The following LUZP2 variants were observed in gnomAD, a reference collection of about 807,000 sequenced individuals.
The protein encoded by LUZP2 is leucine zipper protein 2.
In LUZP2, 52 loss-of-function variants were observed where a neutral mutation model predicts 51.6. The observed-to-expected ratio is 1.01, with a 90% CI of 0.81 to 1.27. The LOEUF (loss-of-function observed/expected upper bound fraction) is 1.27. LUZP2 is among the 50% of genes most tolerant of loss of function. LUZP2 has a pLI of 0.00. For synonymous variants in LUZP2, 154 were observed against 137.3 expected (o/e 1.12, Z -0.85); for missense variants, 436 against 395.4 (o/e 1.10, Z -0.87).
intron 5 of LUZP2, among the ~76,000 whole-genome samples, chr11:24,848,233 A>T (rs140890154): frequency 6.6e-6 from 1 of 152,306 alleles, no homozygotes; most frequent in East Asian, 1.9e-4. Flanking sequence ...TTAAAACATA[A>T]CGCTTTCACA....
At chr11:24,957,552 T>C (rs915206665) in intron 7 of LUZP2, among the ~76,000 whole-genome samples, 1 of 152,094 alleles carries the variant, frequency 6.6e-6, no homozygotes, top group African/African-American at 2.4e-5. Flanking sequence ...AACTCTCTGC[T>C]TTGAGTTTGT....
At chr11:25,001,181 A>C (rs1185326811) in intron 9 of LUZP2, among the ~76,000 whole-genome samples, 5 of 152,320 alleles carry the variant, frequency 3.3e-5, no homozygotes, top group Non-Finnish European at 7.3e-5. Context: ...GCTATTAATA[A>C]GACCTCATTC....
chr11:24,501,974 C>A (rs1407317241), intron 1 of LUZP2, among the ~76,000 whole-genome samples: 1 of 152,170 alleles, frequency 6.6e-6, no homozygotes, highest in African/African-American at 2.4e-5. Flanking sequence ...TATCCTGCCA[C>A]ACTTACTATA....
At chr11:24,614,995 C>A (rs966076884) in intron 1 of LUZP2, among the ~76,000 whole-genome samples, 6 of 151,756 alleles carry the variant, frequency 4.0e-5, no homozygotes, top group Admixed American at 2.0e-4. Flanking sequence ...AAGTTTACTG[C>A]CTGTCATTAA....
At chr11:25,033,503 G>C (rs6484098) in intron 9 of LUZP2, among the ~76,000 whole-genome samples, 71,863 of 151,940 alleles carry the variant, frequency 0.47, 17,494 homozygotes, top group Non-Finnish European at 0.51. Flanking sequence ...GTCGAGGCTT[G>C]GGGTAGTGAT....
intron 10 of LUZP2, among the ~76,000 whole-genome samples, chr11:25,075,533 C>T (rs951142106): frequency 5.3e-5 from 8 of 152,000 alleles, no homozygotes; most frequent in African/African-American, 1.9e-4. Flanking sequence ...TTGCCCCTGT[C>T]TTAAAGTTAT....
At chr11:24,764,494 A>T (rs982637034) in intron 5 of LUZP2, among the ~76,000 whole-genome samples, 1 of 28,562 alleles carries the variant, frequency 3.5e-5, no homozygotes. Context: ...CATCTCTAAA[A>T]AAAAAAAAAA....
chr11:24,632,898 A>G (rs946106072), intron 1 of LUZP2, among the ~76,000 whole-genome samples: 1 of 152,056 alleles, frequency 6.6e-6, no homozygotes, highest in Non-Finnish European at 1.5e-5. Context: ...ACACCATTTC[A>G]AACTCCTTTA....
intron 9 of LUZP2, among the ~76,000 whole-genome samples, chr11:25,039,622 G>A (rs1236305250): frequency 6.6e-6 from 1 of 152,108 alleles, no homozygotes; most frequent in Admixed American, 6.6e-5. Flanking sequence ...TAATACCTGG[G>A]GAGATCCCCC....
chr11:24,888,698 C>G (rs780638353), intron 5 of LUZP2, among the ~76,000 whole-genome samples: 4 of 152,078 alleles, frequency 2.6e-5, no homozygotes, highest in Non-Finnish European at 4.4e-5. Flanking sequence ...TGTGTCCCCC[C>G]ACAAATCTCA....
At chr11:24,623,755 G>C (rs530814904) in intron 1 of LUZP2, among the ~76,000 whole-genome samples, 1 of 152,308 alleles carries the variant, frequency 6.6e-6, no homozygotes, top group South Asian at 2.1e-4. Flanking sequence ...GCTGAGGCAG[G>C]AGAATTGCTT....
At chr11:25,044,036 CTA>C (rs143425336) in intron 9 of LUZP2, among the ~76,000 whole-genome samples, 219 of 11,922 alleles carry the variant, frequency 0.018, 3 homozygotes, top group South Asian at 0.16. Context: ...TATATAGAGT[CTA>C]TATATATATC....
intron 5 of LUZP2, among the ~76,000 whole-genome samples, chr11:24,856,367 T>C (rs1172672642): frequency 1.3e-5 from 2 of 152,076 alleles, no homozygotes; most frequent in Non-Finnish European, 2.9e-5. Flanking sequence ...GAAATGTGAA[T>C]TAAAACCAAA....
chr11:24,739,274 A>AT (rs1398823153), intron 4 of LUZP2, among the ~76,000 whole-genome samples: 3 of 151,940 alleles, frequency 2.0e-5, no homozygotes, highest in Admixed American at 1.3e-4. Context: ...AGTTTGAGTG[A>AT]TTTTTGGTTG....
chr11:24,731,897 C>T (rs1483250739), intron 2 of LUZP2, among the ~76,000 whole-genome samples: 1 of 151,694 alleles, frequency 6.6e-6, no homozygotes, highest in Non-Finnish European at 1.5e-5. Context: ...CTCCATCGAA[C>T]CTCTGAAAGC....
At chr11:24,602,206 GTGTATATA>G (rs1396447190) in intron 1 of LUZP2, among the ~76,000 whole-genome samples, 24 of 67,714 alleles carry the variant, frequency 3.5e-4, no homozygotes, top group Non-Finnish European at 3.2e-4. Context: ...GTACATATAT[GTGTATATA>G]TGTATATATG....
chr11:24,601,912 GTATATATGTA>G (rs879858629), intron 1 of LUZP2, among the ~76,000 whole-genome samples: 35,007 of 136,340 alleles, frequency 0.26, 4,908 homozygotes, highest in Admixed American at 0.29. Flanking sequence ...ATGTATATAT[GTATATATGTA>G]TATATATGTA....
chr11:24,857,324 CACACACAT>C (rs368676154), intron 5 of LUZP2, among the ~76,000 whole-genome samples: 15,711 of 146,544 alleles, frequency 0.11, 1,090 homozygotes, highest in African/African-American at 0.19. Flanking sequence ...CACACACACA[CACACACAT>C]ATATATATAA....
intron 1 of LUZP2, among the ~76,000 whole-genome samples, chr11:24,608,207 C>G (rs1264657754): frequency 6.6e-6 from 1 of 152,186 alleles, no homozygotes; most frequent in Non-Finnish European, 1.5e-5. Flanking sequence ...GTTTAATAAT[C>G]TCTGTCCTGT....
Sources: allele counts gnomAD v4.1 joint callset (sites outside exome capture counted in the v4.1 genomes callset), GRCh38; gene constraint gnomAD v4.1.1; transcripts MANE v1.5; gene names NCBI Gene and HGNC (gene_info 2026-07-23, HGNC 2026-07-21).